The following CYP4F11 variants were observed in gnomAD, a reference collection of about 807,000 sequenced individuals.
CYP4F11 encodes the protein cytochrome P450 4F11.
CYP4F11 carries 79 observed loss-of-function variants against 62.2 expected under a neutral mutation model. That is an observed-to-expected ratio of 1.27 (90% CI 1.06 to 1.53). CYP4F11 has a LOEUF of 1.53. Among genes scored for constraint, CYP4F11 ranks in the 40% most tolerant of loss-of-function variants. The pLI, the probability that CYP4F11 is intolerant of heterozygous loss-of-function variation, is 0.00. For synonymous variants in CYP4F11, 290 were observed against 263.7 expected (o/e 1.10, Z -0.97); for missense variants, 777 against 680.5 (o/e 1.14, Z -1.58).
chr19:15,921,993 A>G, intron 8 of CYP4F11, 44 bp downstream of exon 8: 1 of 1,531,140 alleles, frequency 6.5e-7, no homozygotes, highest in Middle Eastern at 1.8e-4. Context: ...TGAGGAGCAG[A>G]ACCAATGACA....
Position 15,913,838 on chromosome 19 carries a change from C to A in CYP4F11, c.1469G>T (p.Arg490Leu). The A allele has an allele frequency of 1.2e-6, 2 of 1,614,104 alleles. No individual in the cohort carries two copies. The highest frequency in any genetic ancestry group is 2.2e-5 in the South Asian group (2 of 91,080). ...VVLALTLLHF[R>L]ILPTHTEPRR... Reference sequence around the variant, plus strand: ...GGGTTCAGTGTGGGTCGGCAGGATGCGGAAGTGCAGCAGGGTGAGCGCCAG... The same window carrying A: ...GGGTTCAGTGTGGGTCGGCAGGATGAGGAAGTGCAGCAGGGTGAGCGCCAG... Residue 490 changes from arginine (R) to leucine (L), a missense_variant, in exon 12 of 12, where the codon CGC (arginine) becomes CTC (leucine). Transcript: ENST00000402119.
intron 4 of CYP4F11, among the ~76,000 whole-genome samples, chr19:15,925,733 C>CAA (rs2089663948): frequency 6.7e-6 from 1 of 150,060 alleles, no homozygotes; most frequent in African/African-American, 2.5e-5. Context: ...TATATGTACA[C>CAA]ACACACACAC....
At position 15,913,589 on chromosome 19, in the gene CYP4F11, C is replaced by T; in HGVS notation, c.*143G>A. 1 of 1,090,530 alleles carries T rather than the reference C, an allele frequency of 9.2e-7. No individual in the cohort carries two copies. Among genetic ancestry groups the T allele is most frequent in the Non-Finnish European group, 1.3e-6 (1 of 760,788 alleles). The allele number at this position is 1,090,530 out of a possible 1,614,324, so 67.6% of individuals were successfully genotyped here. On this transcript the variant is annotated 3_prime_UTR_variant, in exon 12 of 12. Coordinates refer to ENST00000402119, the MANE Select transcript of CYP4F11 (RefSeq NM_021187.4). ...AGGGTTTTGGGTTCAGAGACGTCAC[C>T]CTGCCTCCACCCACTCACCTCCCTT...
Position 15,934,354 on chromosome 19 carries a change from A to G in CYP4F11, c.55T>C (p.Trp19Arg). 6.2e-7 allele frequency: 1 copy of G among 1,613,330 alleles called. No homozygotes were observed. The highest frequency in any genetic ancestry group is 8.5e-7 in the Non-Finnish European group (1 of 1,179,626). The change falls in exon 1 of 12, where the codon TGG (tryptophan) becomes CGG (arginine). Residue 19 changes from tryptophan to arginine, a missense_variant. Physicochemically the swap from Trp to Arg is moderately radical, Grantham distance 101. Transcript: ENST00000402119. ...CCTCCAACCAGCAGCAGAAGCAGCC[A>G]CGGGGATGCTGCCACGGGCCCGAGG... Reference protein sequence around the residue: ...LGLGPVAASPWLLLLLVGGSW... With the variant: ...LGLGPVAASPRLLLLLVGGSW...
rs2089634501 is a variant in CYP4F11, at chr19:15,922,174, G to T, written c.986-8C>A. 2 of 1,605,486 alleles carry T rather than the reference G, an allele frequency of 1.2e-6. No individual in the cohort carries two copies. The highest frequency in any genetic ancestry group is 2.2e-5 in the South Asian group (2 of 89,720). Reference sequence around the variant, plus strand: ...TGGCTGTAGTGTCATGGCCTGAGGGGCAGCCAAGCAAAACTGGGTTTCTGG... The same window carrying T: ...TGGCTGTAGTGTCATGGCCTGAGGGTCAGCCAAGCAAAACTGGGTTTCTGG... On this transcript the variant is annotated splice_polypyrimidine_tract_variant and splice_region_variant and intron_variant, in intron 7 of 11. Coordinates refer to ENST00000402119, the MANE Select transcript of CYP4F11 (RefSeq NM_021187.4).
Position 15,927,414 on chromosome 19 carries a change from C to A in CYP4F11, c.397+16G>T, listed in dbSNP as rs200785440. On this transcript the variant is annotated intron_variant, in intron 3 of 11. Transcript: ENST00000402119. ...CCTAAAGGATATCCCCAACCCCATTCACCTCAATTACTCACCCAGCCAGGG... is the reference window on the plus strand; with the variant it reads ...CCTAAAGGATATCCCCAACCCCATTAACCTCAATTACTCACCCAGCCAGGG... 7.2e-5 allele frequency: 117 copies of A among 1,614,152 alleles called. No homozygotes were observed. In the East Asian group the frequency reaches 2.6e-3, roughly 35 times the overall value.
intron 8 of CYP4F11, among the ~76,000 whole-genome samples, chr19:15,915,137 T>A (rs968427792): frequency 2.0e-5 from 3 of 152,188 alleles, no homozygotes; most frequent in South Asian, 4.1e-4. Context: ...TGAAGCCAGC[T>A]ATTAAAAAGG....
chr19:15,930,421 G>T (rs1284790862), intron 1 of CYP4F11, among the ~76,000 whole-genome samples: 5 of 151,908 alleles, frequency 3.3e-5, no homozygotes, highest in Non-Finnish European at 7.4e-5. Flanking sequence ...CGAAATCCCC[G>T]TGTCTACTAA....
intron 11 of CYP4F11, 148 bp from the exon 12 acceptor site, chr19:15,914,057 T>A: frequency 8.8e-7 from 1 of 1,132,738 alleles, no homozygotes; most frequent in Non-Finnish European, 1.2e-6. Context: ...CTCCCATGTG[T>A]GCTTGCATAT....
intron 4 of CYP4F11, among the ~76,000 whole-genome samples, chr19:15,925,547 G>A (rs1263007108): frequency 1.3e-5 from 2 of 151,912 alleles, no homozygotes; most frequent in African/African-American, 4.8e-5. Context: ...GAAAGCATAA[G>A]GACAAATACC....
rs144570608 is a variant in CYP4F11, at chr19:15,934,266, A to T, written c.143T>A (p.Leu48His). ...TTTCGGGGGTTGAGGAAAACACTGG[A>T]GGCGGCGGCAGTTGTCATAGAAGGT... is the stretch of plus-strand genomic sequence containing the variant. Reference protein sequence around the residue: ...TYTFYDNCRRLQCFPQPPKQN... With the variant: ...TYTFYDNCRRHQCFPQPPKQN... Residue 48 changes from leucine to histidine, a missense_variant, in exon 1 of 12, where the codon CTC becomes CAC. Leu to His is a moderately conservative substitution (Grantham distance 99). Transcript: ENST00000402119. 4.4e-3 allele frequency: 7,137 copies of T among 1,613,732 alleles called. 33 individuals carry two copies. Among genetic ancestry groups the T allele is most frequent in the Middle Eastern group, 0.014 (87 of 6,058 alleles).
chr19:15,919,353 G>GGATA (rs3056075), intron 8 of CYP4F11, among the ~76,000 whole-genome samples: 21,270 of 149,684 alleles, frequency 0.14, 1,623 homozygotes, highest in Non-Finnish European at 0.16. Context: ...ATCGATGGAT[G>GGATA]GATAGATAGA....
rs2089751343 is a variant in CYP4F11, at chr19:15,933,884, GAA to G, written c.198+325_198+326del. On this transcript the variant is annotated intron_variant, in intron 1 of 11. Transcript: ENST00000402119. ...AGTGAGCAGAGGAATGAGTGAGCGA[GAA>G]GAGGAATGAGTGAGTGGGCAGAGGA... Among the ~76,000 whole-genome samples the G allele has an allele frequency of 4.4e-5, 6 of 135,138 alleles. 2 individuals carry two copies. The highest frequency in any genetic ancestry group is 1.8e-4 in the African/African-American group (6 of 32,912). 88.7% of individuals were successfully genotyped at this position (135,138 alleles called of 152,430 possible). A position where few individuals can be genotyped will look rare whatever the true frequency, so the allele number is the denominator to read the frequency against.
At chr19:15,930,187 G>A (rs1296175107) in intron 1 of CYP4F11, among the ~76,000 whole-genome samples, 1 of 152,124 alleles carries the variant, frequency 6.6e-6, no homozygotes, top group East Asian at 1.9e-4. Flanking sequence ...TCCCCCTGCA[G>A]CCTCCAGATG....
intron 1 of CYP4F11, among the ~76,000 whole-genome samples, chr19:15,931,639 AGCGAGGAGAGGAATGAGTGAGCGAGG>A (rs2089724261): frequency 3.1e-5 from 2 of 64,810 alleles, no homozygotes; most frequent in Non-Finnish European, 5.7e-5. Flanking sequence ...GGAATGAGTG[AGCGAGGAGAGGAATGAGTGAGCGAGG>A]AGAGGAATGA....
intron 8 of CYP4F11, among the ~76,000 whole-genome samples, chr19:15,920,895 CCTCT>C (rs2089620966): frequency 1.3e-5 from 2 of 151,676 alleles, no homozygotes; most frequent in African/African-American, 4.8e-5. Context: ...TTCTGTCTTC[CCTCT>C]CTCTTTCTTT....
Position 15,913,841 on chromosome 19 carries a change from A to G in CYP4F11, c.1466T>C (p.Phe489Ser). The change falls in exon 12 of 12, where the codon TTC (phenylalanine) becomes TCC (serine). Residue 489 changes from phenylalanine (F) to serine (S), a missense_variant. By Grantham distance (155) the Phe-to-Ser change is radical. Coordinates refer to ENST00000402119, the MANE Select transcript of CYP4F11 (RefSeq NM_021187.4). ...KVVLALTLLH[F>S]RILPTHTEPR... ...TTCAGTGTGGGTCGGCAGGATGCGG[A>G]AGTGCAGCAGGGTGAGCGCCAGGAC... 1 of 1,614,092 alleles carries G rather than the reference A, an allele frequency of 6.2e-7. No individual in the cohort carries two copies. The highest frequency in any genetic ancestry group is 1.3e-5 in the African/African-American group (1 of 75,030).
chr19:15,934,124 C>A (rs1391856472), intron 1 of CYP4F11, 87 bp downstream of exon 1: 13 of 1,473,124 alleles, frequency 8.8e-6, no homozygotes, highest in Non-Finnish European at 1.0e-5. Flanking sequence ...CAGCCACCCT[C>A]AAAACCCAGC....
At position 15,912,781 on chromosome 19, in the gene CYP4F11, A is replaced by ATGTGTGTGTGTGTGTG. The variant is rs1568479728; in HGVS notation, c.*950_*951insCACACACACACACACA. The ATGTGTGTGTGTGTGTG allele has an allele frequency of 1.0e-5, 1 of 97,568 alleles. No homozygotes were observed. The highest frequency in any genetic ancestry group is 1.1e-4 in the Admixed American group (1 of 9,424). The allele number at this position is 97,568 out of a possible 1,614,324, so 6.0% of individuals were successfully genotyped here. On this transcript the variant is annotated 3_prime_UTR_variant, in exon 12 of 12. Transcript: ENST00000402119. The stretch of plus-strand genomic sequence containing the variant: ...TGTGTGTGTGTGTGTGTATATATAT[A>ATGTGTGTGTGTGTGTG]TATATATAATATATATATATATATA...
Sources: gnomAD v4.1 joint callset for allele counts (sites outside exome capture counted in the v4.1 genomes callset) on GRCh38, gnomAD v4.1.1 for gene constraint, MANE v1.5 for transcripts, NCBI Gene and HGNC (gene_info 2026-07-23, HGNC 2026-07-21) for gene names.